The following TBL1X variants were observed in gnomAD, a reference collection of about 807,000 sequenced individuals.
TBL1X encodes the protein transducin beta like 1 X-linked.
TBL1X carries 10 observed loss-of-function variants against 50.7 expected under a neutral mutation model. The observed-to-expected ratio is 0.20, with a 90% CI of 0.12 to 0.33. The LOEUF is 0.33. TBL1X is among the 10% of genes least tolerant of loss of function. The probability of loss-of-function intolerance (pLI) is 1.00; values close to 1 mark genes in which losing one functional copy is unlikely to be tolerated. For missense variants in TBL1X, 340 were observed against 504.4 expected (o/e 0.67, Z 3.12); for synonymous variants, 190 against 214.7 (o/e 0.88, Z 1.01).
At chrX:9,505,974 C>T (rs1239081802) in intron 2 of TBL1X, among the ~76,000 whole-genome samples, 1 of 112,216 alleles carries the variant, frequency 8.9e-6, no homozygotes, top group Non-Finnish European at 1.9e-5. Context: ...ACAGAACTCT[C>T]TACCCCAAAT....
At chrX:9,647,271 A>C (rs2146593828) in intron 3 of TBL1X, among the ~76,000 whole-genome samples, 1 of 112,066 alleles carries the variant, frequency 8.9e-6, no homozygotes, top group African/African-American at 3.2e-5. Context: ...ATTATCACTT[A>C]TATTGAATTA....
chrX:9,524,332 A>AC (rs2082122201), intron 2 of TBL1X, among the ~76,000 whole-genome samples: 1 of 111,267 alleles, frequency 9.0e-6, no homozygotes, highest in Non-Finnish European at 1.9e-5. Flanking sequence ...TGCACAGCCA[A>AC]CCTCCAGAAC....
chrX:9,545,870 T>C (rs1002362536), intron 2 of TBL1X, among the ~76,000 whole-genome samples: 1 of 112,024 alleles, frequency 8.9e-6, no homozygotes, highest in African/African-American at 3.2e-5. Flanking sequence ...GTCTCTTTAG[T>C]CTTCTGTATT....
chrX:9,465,579 C>T (rs1569198254), intron 1 of TBL1X, 132 bp downstream of exon 1: 2 of 112,430 alleles, frequency 1.8e-5, no homozygotes, highest in Admixed American at 1.8e-4. Flanking sequence ...CCCTGGAACT[C>T]CTGTAGGTGC....
intron 1 of TBL1X, among the ~76,000 whole-genome samples, chrX:9,500,847 C>T (rs933127195): frequency 1.8e-5 from 2 of 111,826 alleles, no homozygotes; most frequent in African/African-American, 3.3e-5. Context: ...TTTTGTTCCC[C>T]AGGGGACACT....
intron 2 of TBL1X, among the ~76,000 whole-genome samples, chrX:9,551,082 A>G (rs1363847732): frequency 1.8e-5 from 2 of 111,464 alleles, no homozygotes; most frequent in East Asian, 5.6e-4. Context: ...ATATATGTAT[A>G]GACACGTACA....
chrX:9,561,238 C>G (rs146496540), intron 2 of TBL1X, among the ~76,000 whole-genome samples: 1,722 of 111,846 alleles, frequency 0.015, 34 homozygotes, highest in African/African-American at 0.053. Flanking sequence ...CACCCATTTC[C>G]AGAAGGGTAA....
At chrX:9,577,707 A>G (rs2082419607) in intron 2 of TBL1X, among the ~76,000 whole-genome samples, 1 of 112,126 alleles carries the variant, frequency 8.9e-6, no homozygotes, top group Admixed American at 9.4e-5. Flanking sequence ...AGCAGTCCTA[A>G]GATACGATGT....
intron 2 of TBL1X, among the ~76,000 whole-genome samples, chrX:9,530,437 T>C (rs981463117): frequency 7.1e-5 from 8 of 112,980 alleles, no homozygotes; most frequent in Admixed American, 6.5e-4. Flanking sequence ...AATTTAGTTA[T>C]TAAATTTGAA....
chrX:9,698,581 G>C (rs932808894), intron 12 of TBL1X, among the ~76,000 whole-genome samples: 4 of 111,532 alleles, frequency 3.6e-5, no homozygotes, highest in Non-Finnish European at 7.5e-5. Context: ...TTTTTATTGG[G>C]GGTTGGCCGT....
intron 1 of TBL1X, among the ~76,000 whole-genome samples, chrX:9,498,258 C>A (rs2081982980): frequency 9.0e-6 from 1 of 111,460 alleles, no homozygotes; most frequent in Non-Finnish European, 1.9e-5. Flanking sequence ...TAAGCTGCTC[C>A]ATTACTCATT....
At chrX:9,612,834 G>A (rs1178591857) in intron 2 of TBL1X, among the ~76,000 whole-genome samples, 2 of 110,141 alleles carry the variant, frequency 1.8e-5, no homozygotes, top group Admixed American at 9.8e-5. Context: ...CTATGTAACC[G>A]CAAAAATTTT....
intron 5 of TBL1X, among the ~76,000 whole-genome samples, chrX:9,675,073 A>G (rs1021261654): frequency 1.8e-5 from 2 of 112,079 alleles, no homozygotes; most frequent in Non-Finnish European, 3.8e-5. Flanking sequence ...CCCTCACGCT[A>G]CTTAAAATTA....
chrX:9,505,540 A>G (rs185029319), intron 2 of TBL1X, among the ~76,000 whole-genome samples: 1 of 112,040 alleles, frequency 8.9e-6, no homozygotes, highest in Admixed American at 9.5e-5. Flanking sequence ...GGTGTGCTGT[A>G]TTCAGGAGAC....
At chrX:9,544,693 G>T (rs1341416535) in intron 2 of TBL1X, among the ~76,000 whole-genome samples, 1 of 111,140 alleles carries the variant, frequency 9.0e-6, no homozygotes, top group African/African-American at 3.3e-5. Flanking sequence ...CTCCCGAGTA[G>T]CTGGGATTAT....
intron 2 of TBL1X, among the ~76,000 whole-genome samples, chrX:9,551,765 T>C (rs1276358235): frequency 9.0e-6 from 1 of 111,707 alleles, no homozygotes; most frequent in African/African-American, 3.3e-5. Context: ...GGAAGGAGAA[T>C]GGAGTCCTGG....
intron 2 of TBL1X, among the ~76,000 whole-genome samples, chrX:9,598,870 A>T (rs1164585389): frequency 9.2e-6 from 1 of 109,045 alleles, no homozygotes; most frequent in African/African-American, 3.3e-5. Flanking sequence ...TCATTTGCAC[A>T]TGGCCTTTTC....
intron 16 of TBL1X, 45 bp from the exon 17 acceptor site, chrX:9,714,857 G>A (rs372860772): frequency 6.2e-5 from 71 of 1,152,412 alleles, no homozygotes; most frequent in Non-Finnish European, 7.8e-5. Flanking sequence ...TGCATCTGTC[G>A]CAGGCGCCCC....
At chrX:9,604,761 T>G (rs1448393184) in intron 2 of TBL1X, among the ~76,000 whole-genome samples, 1 of 110,932 alleles carries the variant, frequency 9.0e-6, no homozygotes, top group East Asian at 2.9e-4. Flanking sequence ...CATTGAACAT[T>G]AACTCTGTGA....
Sources: gnomAD v4.1 joint callset for allele counts (sites outside exome capture counted in the v4.1 genomes callset) on GRCh38, gnomAD v4.1.1 for gene constraint, MANE v1.5 for transcripts, NCBI Gene and HGNC (gene_info 2026-07-23, HGNC 2026-07-21) for gene names.